FAM180A: variants seen among roughly 807,000 people sequenced by gnomAD.
FAM180A encodes protein FAM180A.
In FAM180A, 14 loss-of-function variants were observed where a neutral mutation model predicts 15.3. The ratio of observed to expected loss-of-function variants is 0.92; its 90% CI spans 0.61 to 1.43. The LOEUF (loss-of-function observed/expected upper bound fraction) is 1.43. Ranked by LOEUF, FAM180A falls within the 40% of genes most tolerant of loss-of-function variation. The probability of loss-of-function intolerance (pLI) is 0.00; values close to 1 mark genes in which losing one functional copy is unlikely to be tolerated. For missense variants in FAM180A, 200 were observed against 220.8 expected, an observed-to-expected ratio of 0.91 and a Z score of 0.60; for synonymous variants, 90 against 96.8, an observed-to-expected ratio of 0.93 and a Z score of 0.41.
At chr7:135,740,583 T>G (rs1487435885) in intron 1 of FAM180A, among the ~76,000 whole-genome samples, 1 of 152,156 alleles carries the variant, frequency 6.6e-6, no homozygotes, top group African/African-American at 2.4e-5. Flanking sequence ...GGCAGCCAGA[T>G]CTGTGTTATC....
intron 1 of FAM180A, among the ~76,000 whole-genome samples, chr7:135,745,644 G>A (rs916133253): frequency 9.2e-5 from 14 of 152,084 alleles, no homozygotes; most frequent in African/African-American, 2.9e-4. Flanking sequence ...CCTAGAGAGC[G>A]CTTAGGGAAA....
At chr7:135,746,204 C>T (rs149308769) in intron 1 of FAM180A, among the ~76,000 whole-genome samples, 23 of 152,152 alleles carry the variant, frequency 1.5e-4, no homozygotes, top group African/African-American at 5.1e-4. Flanking sequence ...TTCCCCAATG[C>T]GGAAGGACAT....
At chr7:135,742,099 A>T (rs1457834159) in intron 1 of FAM180A, among the ~76,000 whole-genome samples, 1 of 152,058 alleles carries the variant, frequency 6.6e-6, no homozygotes, top group Admixed American at 6.5e-5. Context: ...AGGGGTAGGG[A>T]CGGCTGCTGG....
chr7:135,733,727 C>T lies in FAM180A; in HGVS notation c.*248G>A. Reference sequence around the variant, plus strand: ...TGCCTGCCATAGGCAAACCATTCTGCCCATGGAGGCGTCTTGAATGACCAT... The same window carrying T: ...TGCCTGCCATAGGCAAACCATTCTGTCCATGGAGGCGTCTTGAATGACCAT... On this transcript the variant is annotated 3_prime_UTR_variant, in exon 3 of 4. Coordinates refer to ENST00000338588, the MANE Select transcript of FAM180A (RefSeq NM_205855.4). 7.6e-7 allele frequency: 1 copy of T among 1,318,094 alleles called. No individual in the cohort carries two copies. The highest frequency in any genetic ancestry group is 9.6e-7 in the Non-Finnish European group (1 of 1,037,586). 81.6% of individuals were successfully genotyped at this position (1,318,094 alleles called of 1,614,324 possible).
At chr7:135,738,742 A>T (rs1367910700) in intron 1 of FAM180A, among the ~76,000 whole-genome samples, 1 of 152,190 alleles carries the variant, frequency 6.6e-6, no homozygotes, top group African/African-American at 2.4e-5. Context: ...AGCTCTGGTC[A>T]CCTCCACAGC....
rs1458525114 is a variant in FAM180A at position 135,733,691 on chromosome 7, T to C, written c.*284A>G. The stretch of plus-strand genomic sequence containing the variant: ...GTGGCCACTGCTCTGGGTTGAAGCA[T>C]ATCAGAATTCTGCCTGCCATAGGCA... On this transcript the variant is annotated 3_prime_UTR_variant, in exon 3 of 4. Transcript: ENST00000338588. The C allele has an allele frequency of 9.0e-6, 11 of 1,225,842 alleles. No homozygotes were observed. The highest frequency in any genetic ancestry group is 3.2e-4 in the Middle Eastern group (1 of 3,158). The allele number at this position is 1,225,842 out of a possible 1,614,324, so 75.9% of individuals were successfully genotyped here.
Position 135,734,262 on chromosome 7 carries a change from C to G in FAM180A, c.235G>C (p.Glu79Gln), listed in dbSNP as rs1796839796. The G allele has an allele frequency of 2.5e-6, 4 of 1,613,782 alleles. No individual in the cohort carries two copies. The highest frequency in any genetic ancestry group is 1.7e-5 in the Admixed American group (1 of 59,984). ...PDLQISIKDE[E>Q]LASLRKASDF... ...GAGGCCTTCCGCAAGGAGGCCAGCTCCTCGTCCTTGATGGAGATCTGCAGG... is the reference window on the plus strand; with the variant it reads ...GAGGCCTTCCGCAAGGAGGCCAGCTGCTCGTCCTTGATGGAGATCTGCAGG... Residue 79 changes from glutamate (E) to glutamine (Q), a missense_variant, in exon 3 of 4, where the codon GAG (glutamate) becomes CAG (glutamine). Glu to Gln is a conservative substitution (Grantham distance 29). Transcript: ENST00000338588.
Position 135,734,175 on chromosome 7 carries a change from T to G in FAM180A, c.322A>C (p.Ser108Arg). 1 of 1,614,228 alleles carries G rather than the reference T, an allele frequency of 6.2e-7. No individual in the cohort carries two copies. The highest frequency in any genetic ancestry group is 1.7e-5 in the Admixed American group (1 of 60,022). ...PKSIPDIRRL[S>R]ASLSSHPGIL... ...CCAGGGTGGCTGGAGAGGCTGGCGCTGAGCCGGCGGATGTCTGGGATGCTC... is the reference window on the plus strand; with the variant it reads ...CCAGGGTGGCTGGAGAGGCTGGCGCGGAGCCGGCGGATGTCTGGGATGCTC... Residue 108 changes from serine to arginine, a missense_variant, in exon 3 of 4, where the codon AGC (serine) becomes CGC (arginine). Physicochemically the swap from Ser to Arg is moderately radical, Grantham distance 110 (BLOSUM62 -1). Coordinates refer to ENST00000338588, the MANE Select transcript of FAM180A (RefSeq NM_205855.4).
chr7:135,735,993 G>T (rs934022705), intron 2 of FAM180A, among the ~76,000 whole-genome samples: 5 of 149,108 alleles, frequency 3.4e-5, no homozygotes, highest in African/African-American at 4.9e-5. Context: ...ATGAGCCGCC[G>T]CACCTGGCCT....
intron 1 of FAM180A, among the ~76,000 whole-genome samples, chr7:135,747,909 G>C (rs10954502): frequency 6.6e-6 from 1 of 151,966 alleles, no homozygotes; most frequent in Non-Finnish European, 1.5e-5. Flanking sequence ...ATCCTGAGGG[G>C]GAGGAAGTCA....
chr7:135,744,869 A>G (rs138845714), intron 1 of FAM180A, among the ~76,000 whole-genome samples: 3 of 152,260 alleles, frequency 2.0e-5, no homozygotes, highest in East Asian at 1.9e-4. Flanking sequence ...ATGGCTCTGT[A>G]TGGGGCACTT....
At chr7:135,735,748 G>T (rs1365830227) in intron 2 of FAM180A, among the ~76,000 whole-genome samples, 1 of 152,140 alleles carries the variant, frequency 6.6e-6, no homozygotes, top group African/African-American at 2.4e-5. Context: ...TGTCACCCAG[G>T]CTGGAGTACG....
At chr7:135,747,301 T>TA (rs895190694) in intron 1 of FAM180A, among the ~76,000 whole-genome samples, 1 of 151,570 alleles carries the variant, frequency 6.6e-6, no homozygotes, top group East Asian at 1.9e-4. Context: ...AATTAAAAAT[T>TA]AAAAAAAGAA....
At chr7:135,743,277 A>AGTG (rs1796978819) in intron 1 of FAM180A, among the ~76,000 whole-genome samples, 1 of 142,774 alleles carries the variant, frequency 7.0e-6, no homozygotes, top group Non-Finnish European at 1.5e-5. Flanking sequence ...GCTGGAGGGC[A>AGTG]GTGGTGCAAT....
In FAM180A at chr7:135,730,271, G is replaced by C; in HGVS notation, c.*340C>G. 3 of 985,348 alleles carry C rather than the reference G, an allele frequency of 3.0e-6. No homozygotes were observed. The highest frequency in any genetic ancestry group is 3.6e-6 in the Non-Finnish European group (3 of 829,854). The allele number at this position is 985,348 out of a possible 1,614,324, so 61.0% of individuals were successfully genotyped here. A position where few individuals can be genotyped will look rare whatever the true frequency, so the allele number is the denominator to read the frequency against. ...GTTTTTAGATCCTGGGCCAGGCACG[G>C]TGGCTCACGCCTGTAATCCTAGCAT... On this transcript the variant is annotated 3_prime_UTR_variant, in exon 4 of 4. Coordinates refer to ENST00000338588, the MANE Select transcript of FAM180A (RefSeq NM_205855.4).
chr7:135,731,898 A>G (rs1408822915), intron 3 of FAM180A, among the ~76,000 whole-genome samples: 1 of 152,206 alleles, frequency 6.6e-6, no homozygotes, highest in Admixed American at 6.5e-5. Context: ...CCCATTTCAG[A>G]ATCAAATTTA....
At chr7:135,743,803 C>T (rs1391981252) in intron 1 of FAM180A, among the ~76,000 whole-genome samples, 3 of 152,220 alleles carry the variant, frequency 2.0e-5, no homozygotes, top group Non-Finnish European at 4.4e-5. Context: ...AGTATCATGC[C>T]CCTTCCTGTT....
At chr7:135,734,811 C>T (rs1796847215) in intron 2 of FAM180A, among the ~76,000 whole-genome samples, 1 of 152,136 alleles carries the variant, frequency 6.6e-6, no homozygotes, top group Non-Finnish European at 1.5e-5. Flanking sequence ...GGCTGTGGGC[C>T]CCTTGCTGTT....
chr7:135,736,846 A>C (rs1405792968), intron 2 of FAM180A, among the ~76,000 whole-genome samples: 4 of 152,134 alleles, frequency 2.6e-5, no homozygotes, highest in African/African-American at 7.2e-5. Flanking sequence ...GGCCAAACCT[A>C]ATCTTTAGTT....
Sources: gnomAD v4.1 joint callset for allele counts (sites outside exome capture counted in the v4.1 genomes callset) on GRCh38, gnomAD v4.1.1 for gene constraint, MANE v1.5 for transcripts, NCBI Gene and HGNC (gene_info 2026-07-23, HGNC 2026-07-21) for gene names.